CCDC6: variants seen among roughly 807,000 people sequenced by gnomAD.
CCDC6 encodes the protein coiled-coil domain-containing protein 6.
Under a neutral mutation model 56.6 loss-of-function variants are expected in CCDC6, and 20 were observed. The observed-to-expected ratio is 0.35, with a 90% CI of 0.25 to 0.51. The LOEUF (loss-of-function observed/expected upper bound fraction) is 0.51. Among genes scored for constraint, CCDC6 ranks in the 20% least tolerant of loss-of-function variants. The pLI, the probability that CCDC6 is intolerant of heterozygous loss-of-function variation, is 0.95. For synonymous variants in CCDC6, 241 were observed against 234.4 expected, an observed-to-expected ratio of 1.03 and a Z score of -0.26; for missense variants, 367 against 601.1, an observed-to-expected ratio of 0.61 and a Z score of 4.07.
intron 3 of CCDC6, among the ~76,000 whole-genome samples, chr10:59,832,082 T>C (rs1200587434): frequency 6.6e-6 from 1 of 152,234 alleles, no homozygotes; most frequent in East Asian, 1.9e-4. Flanking sequence ...AAGTCTGGAC[T>C]GGGAGAAGAG....
At chr10:59,844,077 T>C (rs1213179952) in intron 2 of CCDC6, among the ~76,000 whole-genome samples, 1 of 152,200 alleles carries the variant, frequency 6.6e-6, no homozygotes, top group African/African-American at 2.4e-5. Context: ...ATGTTAATTA[T>C]TTAACAAAGA....
At position 59,812,062 on chromosome 10, in the gene CCDC6, CAAAA is replaced by C. The variant is rs142710534; in HGVS notation, c.847+569_847+572del. On this transcript the variant is annotated intron_variant, in intron 5 of 8. Transcript: ENST00000263102. ...GTTCAAAAAAATAAATTTGAATAGC[CAAAA>C]AAAAAAAAAAAAAAAACCACAAATA... Among the ~76,000 whole-genome samples the C allele has an allele frequency of 5.0e-3, 611 of 121,066 alleles. 6 individuals are homozygous for C. Among genetic ancestry groups the C allele is most frequent in the Non-Finnish European group, 6.3e-3 (360 of 57,000 alleles). The allele number at this position is 121,066 out of a possible 152,430, so 79.4% of individuals were successfully genotyped here.
chr10:59,840,991 C>T (rs562261340), intron 2 of CCDC6, among the ~76,000 whole-genome samples: 1 of 152,310 alleles, frequency 6.6e-6, no homozygotes, highest in African/African-American at 2.4e-5. Context: ...ATTTTAAGAG[C>T]TATGTAGGAT....
chr10:59,821,653 G>A (rs1317802869), intron 3 of CCDC6, among the ~76,000 whole-genome samples: 1 of 152,162 alleles, frequency 6.6e-6, no homozygotes, highest in Non-Finnish European at 1.5e-5. Flanking sequence ...AACAGAAAGA[G>A]TTGAGGGAAG....
intron 7 of CCDC6, among the ~76,000 whole-genome samples, chr10:59,800,216 A>G (rs1282177989): frequency 6.6e-6 from 1 of 152,232 alleles, no homozygotes; most frequent in Non-Finnish European, 1.5e-5. Context: ...TTGGTATAAT[A>G]TTAGTAACTA....
At chr10:59,801,629 G>C (rs1464141538) in intron 7 of CCDC6, among the ~76,000 whole-genome samples, 2 of 152,114 alleles carry the variant, frequency 1.3e-5, no homozygotes, top group African/African-American at 4.8e-5. Flanking sequence ...CTTGAGGATG[G>C]AATATCTACG....
intron 1 of CCDC6, among the ~76,000 whole-genome samples, chr10:59,889,233 C>T (rs1021959833): frequency 6.6e-6 from 1 of 152,182 alleles, no homozygotes; most frequent in African/African-American, 2.4e-5. Context: ...GGAAAATGTG[C>T]ATCAGCCATA....
At chr10:59,826,532 C>T (rs1446218032) in intron 3 of CCDC6, among the ~76,000 whole-genome samples, 1 of 152,162 alleles carries the variant, frequency 6.6e-6, no homozygotes, top group Non-Finnish European at 1.5e-5. Flanking sequence ...GTGCATCCCT[C>T]AGCACTGGCC....
intron 1 of CCDC6, among the ~76,000 whole-genome samples, chr10:59,893,021 A>G (rs1458943250): frequency 2.6e-5 from 4 of 152,264 alleles, no homozygotes; most frequent in African/African-American, 9.6e-5. Context: ...GCAATAAAAA[A>G]TAACTCACTA....
chr10:59,836,870 A>T (rs2070887518), intron 2 of CCDC6, among the ~76,000 whole-genome samples: 1 of 152,246 alleles, frequency 6.6e-6, no homozygotes, highest in Non-Finnish European at 1.5e-5. Context: ...AAAAAGAAAA[A>T]TATATTAACA....
At chr10:59,802,121 AATG>A (rs1476950156) in intron 7 of CCDC6, among the ~76,000 whole-genome samples, 2 of 152,178 alleles carry the variant, frequency 1.3e-5, no homozygotes, top group East Asian at 3.9e-4. Flanking sequence ...TACTGCATAA[AATG>A]ATGGACAAAC....
In CCDC6 at chr10:59,789,940, T is replaced by C. The variant is rs2070453817; in HGVS notation, c.*2977A>G. 9.2e-6 allele frequency: 2 copies of C among 217,710 alleles called. No individual in the cohort carries two copies. The highest frequency in any genetic ancestry group is 5.8e-5 in the Admixed American group (1 of 17,228). 13.5% of individuals were successfully genotyped at this position (217,710 alleles called of 1,614,324 possible). ...ATTACAAAGGGACAGTAGCACTTGG[T>C]GTCAAAGCCACTTTCTGGTCACACA... On this transcript the variant is annotated 3_prime_UTR_variant, in exon 9 of 9. Coordinates refer to ENST00000263102, the MANE Select transcript of CCDC6 (RefSeq NM_005436.5).
At chr10:59,816,876 A>G (rs1426911257) in intron 3 of CCDC6, among the ~76,000 whole-genome samples, 2 of 152,228 alleles carry the variant, frequency 1.3e-5, no homozygotes, top group Non-Finnish European at 2.9e-5. Context: ...CAAGTGAATA[A>G]GCCATGATTA....
At chr10:59,902,289 G>T (rs2071509034) in intron 1 of CCDC6, among the ~76,000 whole-genome samples, 1 of 152,050 alleles carries the variant, frequency 6.6e-6, no homozygotes, top group Non-Finnish European at 1.5e-5. Flanking sequence ...TTTGGACTTG[G>T]CTTTAAAAAG....
intron 1 of CCDC6, among the ~76,000 whole-genome samples, chr10:59,881,049 C>T (rs2071331079): frequency 6.6e-6 from 1 of 152,124 alleles, no homozygotes; most frequent in African/African-American, 2.4e-5. Flanking sequence ...CCTCCTTCCC[C>T]AACCAAAGCC....
At chr10:59,859,191 T>TGTGC (rs1491117437) in intron 1 of CCDC6, among the ~76,000 whole-genome samples, 1 of 112,190 alleles carries the variant, frequency 8.9e-6, no homozygotes, top group African/African-American at 3.3e-5. Context: ...AAAAAATACA[T>TGTGC]GTGTGTGCGT....
chr10:59,862,278 G>A (rs935973834), intron 1 of CCDC6, among the ~76,000 whole-genome samples: 4 of 151,760 alleles, frequency 2.6e-5, no homozygotes, highest in African/African-American at 9.7e-5. Context: ...CCTGAGGACA[G>A]GAGTTCAAGA....
intron 1 of CCDC6, among the ~76,000 whole-genome samples, chr10:59,903,167 T>C (rs1356711649): frequency 2.0e-5 from 3 of 152,092 alleles, no homozygotes; most frequent in Non-Finnish European, 4.4e-5. Flanking sequence ...GAGGGAAAGA[T>C]GAACAGAGCG....
Position 59,821,116 on chromosome 10 carries a change from C to T in CCDC6, c.583-6361G>A, listed in dbSNP as rs189400222. 9.0e-4 allele frequency among the ~76,000 whole-genome samples: 137 copies of T among 152,210 alleles called. 1 individual carries two copies. Among genetic ancestry groups the T allele is most frequent in the Non-Finnish European group, 1.5e-3 (104 of 68,014 alleles). On this transcript the variant is annotated intron_variant, in intron 3 of 8. Coordinates refer to ENST00000263102, the MANE Select transcript of CCDC6 (RefSeq NM_005436.5). ...TACAATATTCAAAAAATAAATCAGT[C>T]AGAAAAATGGTCACAGTTTTGCTTC...
Sources: gnomAD v4.1 joint callset for allele counts (sites outside exome capture counted in the v4.1 genomes callset) on GRCh38, gnomAD v4.1.1 for gene constraint, MANE v1.5 for transcripts, NCBI Gene and HGNC (gene_info 2026-07-23, HGNC 2026-07-21) for gene names.